ROBO1: variants seen among roughly 807,000 people sequenced by gnomAD.
The protein encoded by ROBO1 is roundabout homolog 1.
In ROBO1, 149 loss-of-function variants were observed where a neutral mutation model predicts 195.9. That is an observed-to-expected ratio of 0.76 (90% CI 0.67 to 0.87). ROBO1 has a LOEUF of 0.87. Among genes scored for constraint, ROBO1 ranks in the 40% least tolerant of loss-of-function variants. The probability of loss-of-function intolerance (pLI) is 0.00; values close to 1 mark genes in which losing one functional copy is unlikely to be tolerated. For synonymous variants in ROBO1, 816 were observed against 733.2 expected (o/e 1.11, Z -1.82); for missense variants, 1,933 against 2,068.3 (o/e 0.93, Z 1.27).
At chr3:79,644,053 G>A (rs888353249) in intron 1 of ROBO1, among the ~76,000 whole-genome samples, 2 of 152,218 alleles carry the variant, frequency 1.3e-5, no homozygotes, top group Admixed American at 6.5e-5. Context: ...AAAACCAGTA[G>A]CTATAATTAT....
At chr3:79,389,910 T>C (rs2036884729) in intron 2 of ROBO1, among the ~76,000 whole-genome samples, 1 of 152,094 alleles carries the variant, frequency 6.6e-6, no homozygotes, top group East Asian at 1.9e-4. Flanking sequence ...AATGATGTGA[T>C]TTCATTTATG....
At chr3:78,718,604 C>T (rs2081960224) in intron 5 of ROBO1, among the ~76,000 whole-genome samples, 1 of 151,866 alleles carries the variant, frequency 6.6e-6, no homozygotes, top group Admixed American at 6.6e-5. Context: ...TCGACTGAAA[C>T]TAAACATGAA....
intron 2 of ROBO1, among the ~76,000 whole-genome samples, chr3:79,551,817 T>C (rs9882399): frequency 0.25 from 38,300 of 151,118 alleles, 5,644 homozygotes; most frequent in African/African-American, 0.41. Flanking sequence ...TCTTACCAAG[T>C]CTCTCTCTTC....
chr3:78,601,658 T>C (rs1575755984), intron 29 of ROBO1, among the ~76,000 whole-genome samples: 2 of 152,354 alleles, frequency 1.3e-5, no homozygotes, highest in East Asian at 3.9e-4. Context: ...ACCTTCTTTC[T>C]TTCCTCACCA....
chr3:79,669,932 T>C (rs1273246741), intron 1 of ROBO1, among the ~76,000 whole-genome samples: 2 of 151,892 alleles, frequency 1.3e-5, no homozygotes, highest in Non-Finnish European at 2.9e-5. Flanking sequence ...ACTTTACTTC[T>C]TATGCTGGGC....
rs149736119 is a variant in ROBO1 at position 78,913,316 on chromosome 3, A to T, written c.499+25285T>A. Among the ~76,000 whole-genome samples, 964 of 152,188 alleles carry T rather than the reference A, an allele frequency of 6.3e-3. 10 individuals are homozygous for T. The highest frequency in any genetic ancestry group is 0.034 in the Middle Eastern group (10 of 294). On this transcript the variant is annotated intron_variant, in intron 4 of 30. Transcript: ENST00000464233. The stretch of plus-strand genomic sequence containing the variant: ...CCAGCTAAATAGAAATCAAACCCAA[A>T]ATTGTGGCCCTTTTATATTTACATT...
At chr3:78,905,000 T>C (rs966116283) in intron 4 of ROBO1, among the ~76,000 whole-genome samples, 1 of 146,872 alleles carries the variant, frequency 6.8e-6, no homozygotes, top group Non-Finnish European at 1.5e-5. Flanking sequence ...TAACTTACTA[T>C]AACACCAATA....
chr3:79,109,142 T>A (rs1374991339), intron 3 of ROBO1, among the ~76,000 whole-genome samples: 2 of 151,884 alleles, frequency 1.3e-5, no homozygotes, highest in African/African-American at 4.8e-5. Context: ...TTACAAGATT[T>A]GGGTCTTAAA....
At chr3:78,693,369 A>C in intron 8 of ROBO1, 1 of 1,524,884 alleles carries the variant, frequency 6.6e-7, no homozygotes, top group South Asian at 1.2e-5. Flanking sequence ...AAAACAAAAC[A>C]AAAAAAGAAA....
chr3:78,892,190 T>C (rs1040739105), intron 4 of ROBO1, among the ~76,000 whole-genome samples: 3 of 152,162 alleles, frequency 2.0e-5, no homozygotes, highest in African/African-American at 7.2e-5. Flanking sequence ...CAAAACCCTG[T>C]CTCTACAAAA....
intron 2 of ROBO1, among the ~76,000 whole-genome samples, chr3:79,291,861 T>C (rs1332446068): frequency 1.3e-5 from 2 of 152,180 alleles, no homozygotes; most frequent in East Asian, 3.9e-4. Flanking sequence ...AGAAGTTTAA[T>C]TACTTATGCC....
At chr3:79,521,573 T>C (rs943309499) in intron 2 of ROBO1, among the ~76,000 whole-genome samples, 1 of 152,160 alleles carries the variant, frequency 6.6e-6, no homozygotes, top group Non-Finnish European at 1.5e-5. Context: ...TAAGTAACAC[T>C]ATCGAAAAAA....
intron 2 of ROBO1, among the ~76,000 whole-genome samples, chr3:79,238,108 G>T (rs1010150738): frequency 6.6e-6 from 1 of 152,098 alleles, no homozygotes; most frequent in African/African-American, 2.4e-5. Flanking sequence ...TCTGAAAAGA[G>T]CCACAATCAA....
At position 79,489,199 on chromosome 3, in the gene ROBO1, G is replaced by A. The variant is rs529435285; in HGVS notation, c.88+100625C>T. 2.4e-3 allele frequency among the ~76,000 whole-genome samples: 367 copies of A among 151,718 alleles called. 1 individual carries two copies. Among genetic ancestry groups the A allele is most frequent in the Non-Finnish European group, 4.5e-3 (307 of 67,950 alleles). The stretch of plus-strand genomic sequence containing the variant: ...CTAATCAATTTAAGATAAAAAACTG[G>A]CAATTACAATTGTGGAATTCGAAAC... On this transcript the variant is annotated intron_variant, in intron 2 of 30. Coordinates refer to ENST00000464233, the MANE Select transcript of ROBO1 (RefSeq NM_002941.4).
chr3:79,642,451 C>A (rs911249933), intron 1 of ROBO1, among the ~76,000 whole-genome samples: 1 of 151,892 alleles, frequency 6.6e-6, no homozygotes, highest in Non-Finnish European at 1.5e-5. Context: ...TGATTTGACC[C>A]AAATAACTAC....
intron 3 of ROBO1, among the ~76,000 whole-genome samples, chr3:79,015,529 G>A (rs902281063): frequency 6.6e-6 from 1 of 151,976 alleles, no homozygotes; most frequent in Non-Finnish European, 1.5e-5. Context: ...AGTCTATGAA[G>A]GAAAAGATGT....
At chr3:79,494,618 C>G (rs1048636621) in intron 2 of ROBO1, among the ~76,000 whole-genome samples, 1 of 151,908 alleles carries the variant, frequency 6.6e-6, no homozygotes, top group East Asian at 1.9e-4. Context: ...CCACATAAAA[C>G]AAATTCAAAA....
chr3:79,237,718 G>C (rs558880048), intron 2 of ROBO1, among the ~76,000 whole-genome samples: 33 of 152,090 alleles, frequency 2.2e-4, no homozygotes, highest in Non-Finnish European at 4.1e-4. Flanking sequence ...TGTAGAAAAA[G>C]TCTATTGTTT....
chr3:79,654,727 A>AT (rs34204120), intron 1 of ROBO1, among the ~76,000 whole-genome samples: 1 of 151,506 alleles, frequency 6.6e-6, no homozygotes. Context: ...TTTTCTAGTG[A>AT]TTTTTTTTCT....
Sources: allele counts gnomAD v4.1 joint callset (sites outside exome capture counted in the v4.1 genomes callset), GRCh38; gene constraint gnomAD v4.1.1; transcripts MANE v1.5; gene names NCBI Gene and HGNC (gene_info 2026-07-23, HGNC 2026-07-21).